Variants in TYR observed in about 807,000 individuals in gnomAD.
TYR encodes the protein tyrosinase, also known as LB24-AB.
In TYR, 58 loss-of-function variants were observed where a neutral mutation model predicts 51.5. That is an observed-to-expected ratio of 1.13 (90% CI 0.91 to 1.40). The LOEUF (loss-of-function observed/expected upper bound fraction) is 1.40, where lower values mean the gene tolerates loss of function less well. Among genes scored for constraint, TYR ranks in the 40% most tolerant of loss-of-function variants. The pLI is 0.00. For synonymous variants in TYR, 263 were observed against 235.2 expected (o/e 1.12, Z -1.08); for missense variants, 732 against 647.4 (o/e 1.13, Z -1.42).
chr11:89,226,335 T>C (rs1041145155), intron 2 of TYR, among the ~76,000 whole-genome samples: 1 of 152,140 alleles, frequency 6.6e-6, no homozygotes, highest in Non-Finnish European at 1.5e-5. Flanking sequence ...TATAATAATG[T>C]AGGTACTTAA....
intron 3 of TYR, among the ~76,000 whole-genome samples, chr11:89,257,278 C>T (rs1944404472): frequency 6.6e-6 from 1 of 151,968 alleles, no homozygotes; most frequent in African/African-American, 2.4e-5. Flanking sequence ...TCTTGTCTAT[C>T]AGGCATTGAT....
chr11:89,228,095 T>A (rs1006186898), intron 3 of TYR, 125 bp downstream of exon 3: 3 of 1,216,528 alleles, frequency 2.5e-6, no homozygotes, highest in Non-Finnish European at 3.6e-6. Flanking sequence ...TGTGATCAGG[T>A]TGTCACCAAA....
At chr11:89,271,240 T>A (rs1023913383) in intron 3 of TYR, among the ~76,000 whole-genome samples, 18 of 151,874 alleles carry the variant, frequency 1.2e-4, no homozygotes, top group Non-Finnish European at 2.4e-4. Flanking sequence ...TAGTAAGTAC[T>A]ATTACCTATT....
chr11:89,188,789 T>C (rs1376698495), intron 1 of TYR, among the ~76,000 whole-genome samples: 1 of 151,692 alleles, frequency 6.6e-6, no homozygotes, highest in Non-Finnish European at 1.5e-5. Context: ...CCAGAAAAAA[T>C]AACCAGTACA....
At chr11:89,262,870 AAACAACAAC>A (rs892850517) in intron 3 of TYR, among the ~76,000 whole-genome samples, 4 of 140,716 alleles carry the variant, frequency 2.8e-5, no homozygotes, top group East Asian at 2.1e-4. Flanking sequence ...AAAAAAAAAA[AAACAACAAC>A]AACAACAACA....
chr11:89,243,699 T>C (rs1484914682), intron 3 of TYR, among the ~76,000 whole-genome samples: 1 of 152,196 alleles, frequency 6.6e-6, no homozygotes, highest in East Asian at 1.9e-4. Flanking sequence ...AACTGCAGTG[T>C]GTTAACTAGC....
chr11:89,210,802 G>T (rs1591157162), intron 2 of TYR, among the ~76,000 whole-genome samples: 1 of 152,258 alleles, frequency 6.6e-6, no homozygotes, highest in Admixed American at 6.5e-5. Flanking sequence ...AGGAGAGTGG[G>T]GGTCAATATT....
rs377330888 is a variant in TYR at position 89,263,678 on chromosome 11, T to A, written c.1185-21095T>A. On this transcript the variant is annotated intron_variant, in intron 3 of 4. Coordinates refer to ENST00000263321, the MANE Select transcript of TYR (RefSeq NM_000372.5). Reference sequence around the variant, plus strand: ...TACAAAATCAATATATAAAAATCAGTTGTATTTCTAAACATTAGCAATAAA... The same window carrying A: ...TACAAAATCAATATATAAAAATCAGATGTATTTCTAAACATTAGCAATAAA... 4.6e-5 allele frequency among the ~76,000 whole-genome samples: 7 copies of A among 152,186 alleles called. No homozygotes were observed. In the South Asian group the frequency reaches 1.5e-3, roughly 32 times the overall value.
At chr11:89,285,279 A>G (rs889948338) in intron 4 of TYR, among the ~76,000 whole-genome samples, 69 of 151,740 alleles carry the variant, frequency 4.5e-4, no homozygotes, top group Non-Finnish European at 1.0e-4. Context: ...TTCACTCTAC[A>G]TCCCTGAATC....
chr11:89,201,508 GAT>G (rs1240155864), intron 2 of TYR, among the ~76,000 whole-genome samples: 4 of 152,214 alleles, frequency 2.6e-5, no homozygotes, highest in Admixed American at 1.3e-4. Context: ...TGTAAAAAAA[GAT>G]AGTTTAAAAA....
chr11:89,237,828 T>TTTTATTTA (rs370141190), intron 3 of TYR, among the ~76,000 whole-genome samples: 1 of 151,654 alleles, frequency 6.6e-6, no homozygotes, highest in African/African-American at 2.4e-5. Context: ...ATTTTATTAT[T>TTTTATTTA]TTTATTTATT....
chr11:89,248,324 T>C (rs912513852), intron 3 of TYR, among the ~76,000 whole-genome samples: 4 of 152,240 alleles, frequency 2.6e-5, no homozygotes, highest in South Asian at 2.1e-4. Flanking sequence ...TATGATGTGA[T>C]ATAATATCTA....
intron 2 of TYR, among the ~76,000 whole-genome samples, chr11:89,203,170 T>C (rs1943622869): frequency 6.6e-6 from 1 of 152,200 alleles, no homozygotes; most frequent in Admixed American, 6.5e-5. Context: ...CACTTGAAAT[T>C]TGCAATTACA....
chr11:89,199,006 C>T (rs1276288767), intron 2 of TYR, among the ~76,000 whole-genome samples: 2 of 152,074 alleles, frequency 1.3e-5, no homozygotes, highest in African/African-American at 2.4e-5. Context: ...TGAGAACATG[C>T]GGTGTTTGGT....
rs183041428 is a variant in TYR, at chr11:89,211,577, G to A, written c.1037-16246G>A. ...AAATTAGCAAGGTTATCCGGGAATT[G>A]AACTCGGCTCTGGACCAAATGGACC... On this transcript the variant is annotated intron_variant, in intron 2 of 4. Transcript: ENST00000263321. Among the ~76,000 whole-genome samples the A allele has an allele frequency of 2.6e-5, 4 of 152,312 alleles. No individual in the cohort carries two copies. In the East Asian group the frequency reaches 7.7e-4, roughly 29 times the overall value.
intron 1 of TYR, 99 bp downstream of exon 1, chr11:89,178,871 C>A: frequency 8.1e-7 from 1 of 1,230,468 alleles, no homozygotes; most frequent in East Asian, 2.4e-5. Flanking sequence ...CTCATTGCAG[C>A]CCCCATCAAG....
At chr11:89,265,624 T>C (rs191549598) in intron 3 of TYR, among the ~76,000 whole-genome samples, 6 of 152,204 alleles carry the variant, frequency 3.9e-5, no homozygotes, top group Admixed American at 3.9e-4. Flanking sequence ...TTTGATGTTC[T>C]ACCCTCTGTT....
chr11:89,262,870 A>AAAC (rs892850517), intron 3 of TYR, among the ~76,000 whole-genome samples: 215 of 140,648 alleles, frequency 1.5e-3, no homozygotes, highest in African/African-American at 5.4e-3. Flanking sequence ...AAAAAAAAAA[A>AAAC]AACAACAACA....
Position 89,295,658 on chromosome 11 carries a change from T to TA in TYR, c.*298dup. 1 of 338,588 alleles carries TA rather than the reference T, an allele frequency of 3.0e-6. No individual in the cohort carries two copies. The highest frequency in any genetic ancestry group is 6.6e-5 in the East Asian group (1 of 15,046). The allele number at this position is 338,588 out of a possible 1,614,324, so 21.0% of individuals were successfully genotyped here. A position where few individuals can be genotyped will look rare whatever the true frequency, so the allele number is the denominator to read the frequency against. On this transcript the variant is annotated 3_prime_UTR_variant, in exon 5 of 5. Transcript: ENST00000263321. ...TATGTGAATTAAAGTGCTCTTATTT[T>TA]AAAAAATTGAAATAATTTTGATTTT... is the stretch of plus-strand genomic sequence containing the variant.
Sources: allele counts gnomAD v4.1 joint callset (sites outside exome capture counted in the v4.1 genomes callset), GRCh38; gene constraint gnomAD v4.1.1; transcripts MANE v1.5; gene names NCBI Gene and HGNC (gene_info 2026-07-23, HGNC 2026-07-21).